The following CYP2C18 variants were observed in gnomAD, a reference collection of about 807,000 sequenced individuals.
The protein encoded by CYP2C18 is cytochrome P450 family 2 subfamily C member 18.
CYP2C18 carries 38 observed loss-of-function variants against 41.3 expected under a neutral mutation model. The observed-to-expected ratio is 0.92, with a 90% CI of 0.71 to 1.21. The LOEUF (loss-of-function observed/expected upper bound fraction) is 1.21. Among genes scored for constraint, CYP2C18 ranks in the 50% most tolerant of loss-of-function variants. CYP2C18 has a pLI of 0.00. For missense variants in CYP2C18, 635 were observed against 591.4 expected (o/e 1.07, Z -0.77); for synonymous variants, 236 against 210.0 (o/e 1.12, Z -1.07).
At chr10:94,689,794 A>G (rs1229364346) in intron 3 of CYP2C18, among the ~76,000 whole-genome samples, 2 of 152,090 alleles carry the variant, frequency 1.3e-5, no homozygotes, top group East Asian at 1.9e-4. Context: ...TGAATCCATG[A>G]TACACCATGG....
At chr10:94,716,955 C>T (rs549097683) in intron 5 of CYP2C18, among the ~76,000 whole-genome samples, 137 of 152,040 alleles carry the variant, frequency 9.0e-4, no homozygotes, top group African/African-American at 3.1e-3. Context: ...TTGTGTCTTT[C>T]GATCTTTGTT....
intron 4 of CYP2C18, among the ~76,000 whole-genome samples, chr10:94,702,404 C>T (rs1014231452): frequency 3.9e-5 from 6 of 151,990 alleles, no homozygotes; most frequent in African/African-American, 1.4e-4. Context: ...TCACTTAGTC[C>T]CATATTTCCT....
At chr10:94,717,378 T>C (rs1589803115) in intron 5 of CYP2C18, among the ~76,000 whole-genome samples, 1 of 152,144 alleles carries the variant, frequency 6.6e-6, no homozygotes, top group South Asian at 2.1e-4. Flanking sequence ...GCAGGCATGG[T>C]GGTGACAAAA....
At chr10:94,718,169 T>C (rs1261250073) in intron 5 of CYP2C18, among the ~76,000 whole-genome samples, 2 of 152,118 alleles carry the variant, frequency 1.3e-5, no homozygotes, top group Non-Finnish European at 2.9e-5. Context: ...ACTTTTTTGG[T>C]TAAATGTACT....
In CYP2C18 at chr10:94,683,749, A is replaced by T; in HGVS notation, c.-71A>T. The T allele has an allele frequency of 8.4e-7, 1 of 1,194,058 alleles. No homozygotes were observed. The highest frequency in any genetic ancestry group is 1.2e-6 in the Non-Finnish European group (1 of 863,804). The allele number at this position is 1,194,058 out of a possible 1,614,324, so 74.0% of individuals were successfully genotyped here. A position where few individuals can be genotyped will look rare whatever the true frequency, so the allele number is the denominator to read the frequency against. On this transcript the variant is annotated 5_prime_UTR_variant, in exon 1 of 9. Coordinates refer to ENST00000285979, the MANE Select transcript of CYP2C18 (RefSeq NM_000772.3). ...CAGTCAGAGTCAGAATCACAGGTGG[A>T]TTAGTAGGGAGTGTTATAAAAGCCT... is the stretch of plus-strand genomic sequence containing the variant.
intron 1 of CYP2C18, among the ~76,000 whole-genome samples, chr10:94,684,967 T>C (rs994845151): frequency 6.6e-6 from 1 of 152,134 alleles, no homozygotes; most frequent in Non-Finnish European, 1.5e-5. Flanking sequence ...TTAAAAAATA[T>C]ATCTTGGCCA....
chr10:94,710,395 T>C (rs1019608376), intron 5 of CYP2C18, among the ~76,000 whole-genome samples: 3 of 152,244 alleles, frequency 2.0e-5, no homozygotes, highest in African/African-American at 7.2e-5. Context: ...TTTATGGTAA[T>C]CTTGTCCATT....
chr10:94,721,246 C>G lies in CYP2C18; in HGVS notation c.961+709C>G, dbSNP rs139083782. On this transcript the variant is annotated intron_variant, in intron 6 of 8. Coordinates refer to ENST00000285979, the MANE Select transcript of CYP2C18 (RefSeq NM_000772.3). ...GTCAGGCTAGGCTCAAACTCCTGAT[C>G]TCAAATGATCTGCCCACCTTGGCCT... Among the ~76,000 whole-genome samples the G allele has an allele frequency of 9.0e-3, 1,364 of 152,228 alleles. 22 individuals carry two copies. The highest frequency in any genetic ancestry group is 0.03 in the African/African-American group (1,238 of 41,542).
intron 1 of CYP2C18, 22 bp from the exon 2 acceptor site, chr10:94,687,748 G>A: frequency 6.2e-7 from 1 of 1,603,790 alleles, no homozygotes; most frequent in Non-Finnish European, 8.5e-7. Flanking sequence ...GCTACTATTT[G>A]AACCTCCTTT....
chr10:94,687,626 G>A, intron 1 of CYP2C18, 144 bp from the exon 2 acceptor site: 1 of 825,408 alleles, frequency 1.2e-6, no homozygotes, highest in East Asian at 2.6e-5. Context: ...CATCATCTTT[G>A]TCTAAAATAT....
At chr10:94,707,324 C>T (rs368466939) in intron 5 of CYP2C18, among the ~76,000 whole-genome samples, 1 of 152,166 alleles carries the variant, frequency 6.6e-6, no homozygotes, top group East Asian at 1.9e-4. Context: ...TCCTGCATGT[C>T]CTGATGTTTG....
intron 5 of CYP2C18, among the ~76,000 whole-genome samples, chr10:94,715,280 A>T (rs528551211): frequency 6.6e-6 from 1 of 152,178 alleles, no homozygotes; most frequent in Non-Finnish European, 1.5e-5. Context: ...GAATGCTTCC[A>T]GTTTGTGCCC....
At chr10:94,687,129 G>A (rs1310193275) in intron 1 of CYP2C18, among the ~76,000 whole-genome samples, 1 of 152,122 alleles carries the variant, frequency 6.6e-6, no homozygotes, top group Non-Finnish European at 1.5e-5. Flanking sequence ...TGTATAGCAT[G>A]GAAAACATTT....
intron 5 of CYP2C18, among the ~76,000 whole-genome samples, chr10:94,719,259 A>G (rs911796832): frequency 6.6e-6 from 1 of 152,136 alleles, no homozygotes; most frequent in African/African-American, 2.4e-5. Context: ...AAAAATTAAC[A>G]TGGCTTAAAC....
rs144034935 is a variant in CYP2C18 at position 94,689,296 on chromosome 10, T to C, written c.481+1022T>C. On this transcript the variant is annotated intron_variant, in intron 3 of 8. Transcript: ENST00000285979. ...CTTCCCTAGTTGTCCATTAGCTCTG[T>C]ATTCAGCTTTCTTTATATTTTCCTT... Among the ~76,000 whole-genome samples, 8 of 152,228 alleles carry C rather than the reference T, an allele frequency of 5.3e-5. No individual in the cohort carries two copies. The East Asian group carries it at 1.5e-3, about 29-fold the overall frequency.
chr10:94,724,519 T>A lies in CYP2C18; in HGVS notation c.1135T>A (p.Tyr379Asn), dbSNP rs531098917. Residue 379 changes from tyrosine (Y) to asparagine (N), a missense_variant, in exon 7 of 9, where the codon TAC (tyrosine) becomes AAC (asparagine). Coordinates refer to ENST00000285979, the MANE Select transcript of CYP2C18 (RefSeq NM_000772.3). ...GACCTGTGATGTTAAATTCAAAAAC[T>A]ACCTCATCCCCAAGGTAAGCTTGTT... ...AVTCDVKFKN[Y>N]LIPKGTTIIT... is the part of the protein sequence containing the mutation. 1 of 1,613,458 alleles carries A rather than the reference T, an allele frequency of 6.2e-7. No homozygotes were observed. The highest frequency in any genetic ancestry group is 8.5e-7 in the Non-Finnish European group (1 of 1,179,560).
At chr10:94,697,494 A>C (rs1239830577) in intron 4 of CYP2C18, among the ~76,000 whole-genome samples, 2 of 152,236 alleles carry the variant, frequency 1.3e-5, no homozygotes, top group Non-Finnish European at 2.9e-5. Flanking sequence ...TAAACATGGA[A>C]AGGAACAAAC....
At chr10:94,733,905 A>T (rs1266586684) in intron 8 of CYP2C18, among the ~76,000 whole-genome samples, 3 of 152,106 alleles carry the variant, frequency 2.0e-5, no homozygotes, top group Non-Finnish European at 4.4e-5. Context: ...GAAGTAGACA[A>T]GTAAACAGAT....
At chr10:94,731,283 G>A (rs934246142) in intron 7 of CYP2C18, among the ~76,000 whole-genome samples, 1 of 152,064 alleles carries the variant, frequency 6.6e-6, no homozygotes, top group South Asian at 2.1e-4. Flanking sequence ...GGGAGGCTGA[G>A]GCAGGAGAAT....
Sources: allele counts gnomAD v4.1 joint callset (sites outside exome capture counted in the v4.1 genomes callset), GRCh38; gene constraint gnomAD v4.1.1; transcripts MANE v1.5; gene names NCBI Gene and HGNC (gene_info 2026-07-23, HGNC 2026-07-21).